Variants in SNTG1 observed in about 807,000 individuals in gnomAD.
SNTG1 encodes syntrophin gamma 1, also known as gamma-1-syntrophin.
A neutral mutation model predicts 74.7 loss-of-function variants in SNTG1; 39 were observed. The observed-to-expected ratio is 0.52, with a 90% CI of 0.40 to 0.68. SNTG1 has a LOEUF of 0.68. Ranked by LOEUF, SNTG1 falls within the 30% of genes least tolerant of loss-of-function variation. SNTG1 has a pLI of 0.00. For missense variants in SNTG1, 685 were observed against 609.5 expected (o/e 1.12, Z -1.30); for synonymous variants, 254 against 217.1 (o/e 1.17, Z -1.49).
At chr8:50,593,965 G>T (rs1186654889) in intron 13 of SNTG1, among the ~76,000 whole-genome samples, 2 of 152,114 alleles carry the variant, frequency 1.3e-5, no homozygotes, top group Admixed American at 6.6e-5. Flanking sequence ...TGATCTGCCT[G>T]CCTTGGCCTC....
chr8:50,178,358 CT>C (rs33912042), intron 2 of SNTG1, among the ~76,000 whole-genome samples: 19,805 of 145,554 alleles, frequency 0.14, 4,281 homozygotes, highest in African/African-American at 0.46. Flanking sequence ...TTCCTCCTCT[CT>C]TTTTTTTTTT....
intron 1 of SNTG1, among the ~76,000 whole-genome samples, chr8:50,089,236 A>C (rs2079617759): frequency 6.6e-6 from 1 of 152,106 alleles, no homozygotes; most frequent in Admixed American, 6.6e-5. Context: ...CCTTCCTTAC[A>C]CCTTATACAA....
At chr8:50,759,218 C>G (rs561870282) in intron 18 of SNTG1, among the ~76,000 whole-genome samples, 2 of 151,942 alleles carry the variant, frequency 1.3e-5, no homozygotes, top group African/African-American at 4.8e-5. Context: ...AGTCCCTTGT[C>G]GGATGGATAG....
chr8:49,989,697 G>T (rs976658667), intron 1 of SNTG1, among the ~76,000 whole-genome samples: 1 of 151,606 alleles, frequency 6.6e-6, no homozygotes, highest in African/African-American at 2.4e-5. Context: ...AAAACTCCTT[G>T]GTTAAATACT....
At chr8:50,075,633 C>G (rs1044852870) in intron 1 of SNTG1, among the ~76,000 whole-genome samples, 1 of 152,274 alleles carries the variant, frequency 6.6e-6, no homozygotes, top group Admixed American at 6.5e-5. Flanking sequence ...CTGCTTCCTA[C>G]GCTGTGGAGC....
At chr8:50,158,375 A>T (rs1490222665) in intron 1 of SNTG1, among the ~76,000 whole-genome samples, 1 of 152,132 alleles carries the variant, frequency 6.6e-6, no homozygotes, top group Non-Finnish European at 1.5e-5. Context: ...GGGTTCTCAA[A>T]ACTTTTTAAG....
chr8:50,475,037 T>C (rs2093685102), intron 8 of SNTG1, among the ~76,000 whole-genome samples: 1 of 118,992 alleles, frequency 8.4e-6, no homozygotes, highest in African/African-American at 3.3e-5. Flanking sequence ...TGAGAACACA[T>C]GGACACAGGA....
At chr8:50,505,847 T>G (rs781306021) in intron 9 of SNTG1, among the ~76,000 whole-genome samples, 8 of 152,114 alleles carry the variant, frequency 5.3e-5, no homozygotes, top group African/African-American at 7.2e-5. Context: ...TTTACAAAAT[T>G]TTTAATTCTT....
intron 13 of SNTG1, among the ~76,000 whole-genome samples, chr8:50,637,201 C>T (rs1479965336): frequency 1.3e-5 from 2 of 152,104 alleles, no homozygotes; most frequent in African/African-American, 4.8e-5. Context: ...AAAATTATCT[C>T]TAAATCTTAG....
At chr8:50,007,887 G>A (rs1815393434) in intron 1 of SNTG1, among the ~76,000 whole-genome samples, 1 of 152,138 alleles carries the variant, frequency 6.6e-6, no homozygotes, top group African/African-American at 2.4e-5. Flanking sequence ...CAATCATGGT[G>A]GGAGGCAAAG....
intron 8 of SNTG1, among the ~76,000 whole-genome samples, chr8:50,458,735 T>C (rs1054979400): frequency 2.0e-5 from 3 of 151,284 alleles, no homozygotes; most frequent in African/African-American, 7.3e-5. Flanking sequence ...TTTTTTCTTG[T>C]GTTTGTTATA....
intron 1 of SNTG1, among the ~76,000 whole-genome samples, chr8:50,105,198 A>G (rs2080318009): frequency 6.6e-6 from 1 of 151,986 alleles, no homozygotes; most frequent in Admixed American, 6.6e-5. Context: ...TCTTGAGTTG[A>G]TTTATGTATA....
At chr8:50,525,831 A>T (rs1420859707) in intron 9 of SNTG1, among the ~76,000 whole-genome samples, 8 of 118,194 alleles carry the variant, frequency 6.8e-5, no homozygotes. Context: ...TTTTAAAGAT[A>T]ATTTACAGAC....
intron 1 of SNTG1, among the ~76,000 whole-genome samples, chr8:49,986,907 A>G (rs1185664502): frequency 6.6e-6 from 1 of 152,158 alleles, no homozygotes; most frequent in Non-Finnish European, 1.5e-5. Context: ...ATATGTAAAT[A>G]TAAATAAATA....
intron 8 of SNTG1, among the ~76,000 whole-genome samples, chr8:50,466,384 G>A (rs2093608762): frequency 6.6e-6 from 1 of 151,628 alleles, no homozygotes; most frequent in African/African-American, 2.4e-5. Context: ...TGGTCTTTTT[G>A]TTCTCTTCCA....
At chr8:50,017,489 A>C (rs1160016395) in intron 1 of SNTG1, among the ~76,000 whole-genome samples, 1 of 151,992 alleles carries the variant, frequency 6.6e-6, no homozygotes, top group Non-Finnish European at 1.5e-5. Context: ...AGAATGGATA[A>C]AAAATAAATA....
chr8:50,138,096 A>G (rs1401216206), intron 1 of SNTG1, among the ~76,000 whole-genome samples: 1 of 152,022 alleles, frequency 6.6e-6, no homozygotes, highest in African/African-American at 2.4e-5. Flanking sequence ...AGTTTTTTTT[A>G]CAGATGCTGG....
Position 50,185,691 on chromosome 8 carries a change from T to C in SNTG1, c.-28+13056T>C, listed in dbSNP as rs146501600. Among the ~76,000 whole-genome samples, 579 of 152,312 alleles carry C rather than the reference T, an allele frequency of 3.8e-3. 3 individuals carry two copies. Among genetic ancestry groups the C allele is most frequent in the Non-Finnish European group, 5.9e-3 (401 of 68,016 alleles). Reference sequence around the variant, plus strand: ...AATCACACCTTTTTTTACTTTAAAGTTCACTAATAATTGTGGAAAATATTC... The same window carrying C: ...AATCACACCTTTTTTTACTTTAAAGCTCACTAATAATTGTGGAAAATATTC... On this transcript the variant is annotated intron_variant, in intron 2 of 18. Coordinates refer to ENST00000642720, the MANE Select transcript of SNTG1 (RefSeq NM_018967.5).
intron 2 of SNTG1, among the ~76,000 whole-genome samples, chr8:50,177,927 G>A (rs1050975785): frequency 1.3e-5 from 2 of 151,990 alleles, no homozygotes; most frequent in Non-Finnish European, 2.9e-5. Flanking sequence ...TGTCTCTACC[G>A]TTTTGCATTT....
Sources: gnomAD v4.1 joint callset for allele counts (sites outside exome capture counted in the v4.1 genomes callset) on GRCh38, gnomAD v4.1.1 for gene constraint, MANE v1.5 for transcripts, NCBI Gene and HGNC (gene_info 2026-07-23, HGNC 2026-07-21) for gene names.